Variants in ANK2 observed in about 807,000 individuals in gnomAD.
ANK2 encodes the protein ankyrin 2, also known as ankyrin-2.
In ANK2, 83 loss-of-function variants were observed where a neutral mutation model predicts 360.5. That is an observed-to-expected ratio of 0.23 (90% CI 0.19 to 0.28). ANK2 has a LOEUF of 0.28. ANK2 is among the 10% of genes least tolerant of loss of function. The pLI, the probability that ANK2 is intolerant of heterozygous loss-of-function variation, is 1.00. For missense variants in ANK2, 4,201 were observed against 4,795.7 expected (o/e 0.88, Z 3.66); for synonymous variants, 1,740 against 1,759.5 (o/e 0.99, Z 0.28).
At chr4:113,297,254 T>C (rs539325242) in intron 22 of ANK2, among the ~76,000 whole-genome samples, 1 of 152,312 alleles carries the variant, frequency 6.6e-6, no homozygotes, top group Admixed American at 6.5e-5. Context: ...GGAGGCATTT[T>C]GGCCTCCCAA....
the ANK2 span, among the ~76,000 whole-genome samples, chr4:112,764,508 G>T: frequency 3.3e-5 from 5 of 151,414 alleles, no homozygotes; most frequent in South Asian, 1.0e-3. Context: ...GCTAATTTTT[G>T]TATATTTAGT....
At chr4:112,879,407 GA>G in intron 1 of ANK2, among the ~76,000 whole-genome samples, 1 of 152,212 alleles carries the variant, frequency 6.6e-6, no homozygotes, top group Non-Finnish European at 1.5e-5. Context: ...GAGGCTTCTA[GA>G]AAACAGCCCA....
Position 113,355,310 on chromosome 4 carries a change from A to G in ANK2, c.6692A>G (p.Tyr2231Cys), listed in dbSNP as rs2095681693. ...GTPQISSEES[Y>C]KHEGLAETPE... Reference sequence around the variant, plus strand: ...CCTCAGATTAGTTCAGAAGAAAGCTATAAGCATGAAGGCCTAGCAGAGACC... The same window carrying G: ...CCTCAGATTAGTTCAGAAGAAAGCTGTAAGCATGAAGGCCTAGCAGAGACC... Residue 2231 changes from tyrosine (Y) to cysteine (C), a missense_variant, in exon 38 of 46, where the codon TAT becomes TGT. Tyr to Cys is a radical substitution (Grantham distance 194, BLOSUM62 -2). Around this residue, in one of 4 missense-constraint regions of ANK2, gnomAD observed 2,642 missense variants for 2,714.5 expected, o/e 0.97. Transcript: ENST00000357077. The G allele has an allele frequency of 6.2e-7, 1 of 1,614,042 alleles. No individual in the cohort carries two copies. Among genetic ancestry groups the G allele is most frequent in the Non-Finnish European group, 8.5e-7 (1 of 1,179,974 alleles).
At chr4:113,000,169 G>T (rs2050111023) in intron 2 of ANK2, among the ~76,000 whole-genome samples, 1 of 152,164 alleles carries the variant, frequency 6.6e-6, no homozygotes, top group Non-Finnish European at 1.5e-5. Context: ...GTGGGAAAGT[G>T]ACTGTGAAAT....
At chr4:112,992,300 C>T (rs1170346521) in intron 2 of ANK2, among the ~76,000 whole-genome samples, 1 of 152,062 alleles carries the variant, frequency 6.6e-6, no homozygotes, top group East Asian at 1.9e-4. Context: ...TGAGTCACCA[C>T]GCCCGGCTAA....
chr4:112,834,416 G>A (rs574373560), intron 1 of ANK2, among the ~76,000 whole-genome samples: 1 of 152,270 alleles, frequency 6.6e-6, no homozygotes, highest in African/African-American at 2.4e-5. Flanking sequence ...GCAAAATGTT[G>A]AAGTTAAGTG....
intron 43 of ANK2, among the ~76,000 whole-genome samples, chr4:113,371,845 C>T (rs2154071190): frequency 6.6e-6 from 1 of 152,198 alleles, no homozygotes; most frequent in South Asian, 2.1e-4. Flanking sequence ...TTTTTAAAAA[C>T]AAAATTTCAT....
At chr4:112,912,490 G>T (rs2087970367) in intron 2 of ANK2, among the ~76,000 whole-genome samples, 3 of 151,874 alleles carry the variant, frequency 2.0e-5, no homozygotes, top group South Asian at 2.1e-4. Context: ...GGGGTAAGGG[G>T]TGGTGTATAT....
chr4:113,011,453 A>G (rs528092608), intron 2 of ANK2, among the ~76,000 whole-genome samples: 1 of 152,244 alleles, frequency 6.6e-6, no homozygotes, highest in East Asian at 1.9e-4. Flanking sequence ...TCCTAAGGAA[A>G]TGAAGACCCA....
At chr4:112,797,413 G>A in the ANK2 span, 31 of 153,928 alleles carry the variant, frequency 2.0e-4, no homozygotes, top group Non-Finnish European at 4.0e-4. Flanking sequence ...TTCTATGAAT[G>A]TTGGGTAAAT....
At chr4:113,130,616 G>A (rs1373642996) in intron 1 of ANK2, among the ~76,000 whole-genome samples, 3 of 152,142 alleles carry the variant, frequency 2.0e-5, no homozygotes, top group South Asian at 2.1e-4. Flanking sequence ...GTACTTTGAG[G>A]TTTTAATGTG....
intron 1 of ANK2, among the ~76,000 whole-genome samples, chr4:113,072,304 C>T (rs1049579581): frequency 6.6e-6 from 1 of 152,200 alleles, no homozygotes; most frequent in Non-Finnish European, 1.5e-5. Flanking sequence ...TTTATGTCCT[C>T]AAGCCAGATC....
intron 1 of ANK2, among the ~76,000 whole-genome samples, chr4:113,057,663 A>G (rs2070793755): frequency 6.6e-6 from 1 of 152,108 alleles, no homozygotes; most frequent in East Asian, 1.9e-4. Context: ...ATCTCTGTTT[A>G]TAGATTATTT....
At chr4:113,151,454 T>C (rs936197576) in intron 1 of ANK2, among the ~76,000 whole-genome samples, 11 of 152,044 alleles carry the variant, frequency 7.2e-5, no homozygotes, top group Non-Finnish European at 1.2e-4. Context: ...GGTGCCAGGC[T>C]CTTGTTAATG....
intron 15 of ANK2, among the ~76,000 whole-genome samples, chr4:113,275,820 T>C (rs2060015479): frequency 6.6e-6 from 1 of 150,662 alleles, no homozygotes; most frequent in South Asian, 2.1e-4. Flanking sequence ...ATACATAAAA[T>C]ACAGAAATAG....
At chr4:112,800,651 C>G in the ANK2 span, among the ~76,000 whole-genome samples, 1 of 152,120 alleles carries the variant, frequency 6.6e-6, no homozygotes, top group Non-Finnish European at 1.5e-5. Flanking sequence ...AAGTCAGCCT[C>G]ACTGGCTTTT....
chr4:112,843,320 T>C (rs890520755), intron 1 of ANK2, among the ~76,000 whole-genome samples: 1 of 152,186 alleles, frequency 6.6e-6, no homozygotes, highest in Non-Finnish European at 1.5e-5. Context: ...TCCTCAACTC[T>C]TTTTTTCTGT....
At chr4:113,262,198 C>T (rs1292411926) in intron 13 of ANK2, among the ~76,000 whole-genome samples, 1 of 152,084 alleles carries the variant, frequency 6.6e-6, no homozygotes, top group Non-Finnish European at 1.5e-5. Context: ...TTTTATCAGA[C>T]CTAGAAATAA....
chr4:113,278,644 T>C, intron 17 of ANK2, 86 bp downstream of exon 17: 1 of 1,322,908 alleles, frequency 7.6e-7, no homozygotes. Context: ...ACACATGGTA[T>C]AGTATAACTG....
Sources: allele counts gnomAD v4.1 joint callset (sites outside exome capture counted in the v4.1 genomes callset), GRCh38; gene constraint gnomAD v4.1.1; regional missense constraint gnomAD v4.1.1; transcripts MANE v1.5; gene names NCBI Gene and HGNC (gene_info 2026-07-23, HGNC 2026-07-21).